The following P4HA1 variants were observed in gnomAD, a reference collection of about 807,000 sequenced individuals.
The protein encoded by P4HA1 is prolyl 4-hydroxylase subunit alpha 1.
In P4HA1, 24 loss-of-function variants were observed where a neutral mutation model predicts 72.8. That is an observed-to-expected ratio of 0.33 (90% CI 0.24 to 0.46). The LOEUF (loss-of-function observed/expected upper bound fraction) is 0.46. P4HA1 is among the 20% of genes least tolerant of loss of function. P4HA1 has a pLI of 1.00. For missense variants in P4HA1, 446 were observed against 640.6 expected (o/e 0.70, Z 3.28); for synonymous variants, 201 against 218.8 (o/e 0.92, Z 0.72).
intron 9 of P4HA1, among the ~76,000 whole-genome samples, chr10:73,039,553 C>T (rs1375176024): frequency 1.3e-5 from 2 of 152,004 alleles, no homozygotes; most frequent in African/African-American, 2.4e-5. Context: ...GGGATCTGCC[C>T]GCCTGGGCCT....
At chr10:73,074,940 G>T in intron 1 of P4HA1, 25 bp from the exon 2 acceptor site, 1 of 760,346 alleles carries the variant, frequency 1.3e-6, no homozygotes. Flanking sequence ...GAGAAATGCA[G>T]CCATTACTTA....
intron 1 of P4HA1, among the ~76,000 whole-genome samples, chr10:73,093,324 A>AT (rs1375085761): frequency 6.6e-6 from 1 of 152,166 alleles, no homozygotes; most frequent in Non-Finnish European, 1.5e-5. Context: ...CAAATGTCAA[A>AT]TCAAATATAC....
At chr10:73,053,682 C>T in intron 5 of P4HA1, 92 bp from the exon 6 acceptor site, 1 of 1,125,582 alleles carries the variant, frequency 8.9e-7, no homozygotes, top group Non-Finnish European at 1.3e-6. Context: ...TGTCTCACTT[C>T]TATTTGAAGT....
At chr10:73,032,943 C>A (rs1302753188) in intron 9 of P4HA1, among the ~76,000 whole-genome samples, 1 of 152,130 alleles carries the variant, frequency 6.6e-6, no homozygotes, top group Non-Finnish European at 1.5e-5. Flanking sequence ...TTGGTGATAT[C>A]TTGCAAATTT....
intron 9 of P4HA1, among the ~76,000 whole-genome samples, chr10:73,031,831 A>G (rs912799148): frequency 5.3e-5 from 8 of 152,184 alleles, no homozygotes; most frequent in African/African-American, 1.7e-4. Flanking sequence ...AAATTCAGCT[A>G]TATCCCTTTT....
At position 73,040,841 on chromosome 10, in the gene P4HA1, AC is replaced by A. The variant is rs1489017609; in HGVS notation, c.1148+4139del. On this transcript the variant is annotated intron_variant, in intron 9 of 14. Transcript: ENST00000394890. ...GATTTAGCTATTTACAAACTTTATG[AC>A]AAAAAATGTGTAAAACCATGCAATA... Among the ~76,000 whole-genome samples, 7 of 152,286 alleles carry A rather than the reference AC, an allele frequency of 4.6e-5. No individual in the cohort carries two copies. The South Asian group carries it at 1.0e-3, about 23-fold the overall frequency.
intron 1 of P4HA1, among the ~76,000 whole-genome samples, chr10:73,077,050 ACACTGCTCTTTTGGCTAC>A (rs1391112989): frequency 1.3e-5 from 2 of 152,246 alleles, no homozygotes; most frequent in African/African-American, 4.8e-5. Flanking sequence ...GTAAGGAAAT[ACACTGCTCTTTTGGCTAC>A]CTTACAGTGA....
chr10:73,050,457 T>A (rs561243025), intron 7 of P4HA1, among the ~76,000 whole-genome samples: 7 of 152,002 alleles, frequency 4.6e-5, no homozygotes, highest in African/African-American at 1.4e-4. Flanking sequence ...ATCCCACCAC[T>A]TTGGGAGACC....
rs1716857027 is a variant in P4HA1 at position 73,083,005 on chromosome 10, C to A, written c.-32-8090G>T. On this transcript the variant is annotated intron_variant, in intron 1 of 14. Transcript: ENST00000394890. ...ATGCCTCCTGTTCTAAATATTCAAACAAGCTTGAAAAAGAAATTAATGGGT... is the reference window on the plus strand; with the variant it reads ...ATGCCTCCTGTTCTAAATATTCAAAAAAGCTTGAAAAAGAAATTAATGGGT... Among the ~76,000 whole-genome samples the A allele has an allele frequency of 3.0e-5, 4 of 133,460 alleles. 2 individuals carry two copies. Among genetic ancestry groups the A allele is most frequent in the Non-Finnish European group, 6.0e-5 (4 of 66,800 alleles). The allele number at this position is 133,460 out of a possible 152,430, so 87.6% of individuals were successfully genotyped here. A position where few individuals can be genotyped will look rare whatever the true frequency, so the allele number is the denominator to read the frequency against.
rs1320535490 is a variant in P4HA1 at position 73,008,125 on chromosome 10, TGTTA to T, written c.*93_*96del. On this transcript the variant is annotated 3_prime_UTR_variant, in exon 15 of 15. Coordinates refer to ENST00000394890, the MANE Select transcript of P4HA1 (RefSeq NM_001017962.3). ...GTTCATGACTGAATCAATCATGGAG[TGTTA>T]GTCAATTGTAAACTCCTGAAAGTTA... The T allele has an allele frequency of 1.3e-5, 9 of 702,582 alleles. No individual in the cohort carries two copies. The highest frequency in any genetic ancestry group is 2.3e-5 in the Non-Finnish European group (9 of 388,042). 43.5% of individuals were successfully genotyped at this position (702,582 alleles called of 1,614,324 possible).
At chr10:73,091,974 A>G (rs1842040418) in intron 1 of P4HA1, among the ~76,000 whole-genome samples, 2 of 152,204 alleles carry the variant, frequency 1.3e-5, no homozygotes, top group South Asian at 4.1e-4. Flanking sequence ...AGGCCCAGGT[A>G]TACTCAGCTT....
chr10:73,008,280 C>T lies in P4HA1; in HGVS notation c.1547G>A (p.Trp516Ter). 6.3e-7 allele frequency: 1 copy of T among 1,589,928 alleles called. No individual in the cohort carries two copies. The highest frequency in any genetic ancestry group is 8.6e-7 in the Non-Finnish European group (1 of 1,158,438). Residue 516 changes from tryptophan to a stop codon, truncating the protein, a stop_gained, in exon 15 of 15, where the codon TGG becomes TAG. Coordinates refer to ENST00000394890, the MANE Select transcript of P4HA1 (RefSeq NM_001017962.3). LOFTEE classifies it high-confidence loss of function. ...LVGNKWVSNK[W>*]LHERGQEFRR... ...AAATTCTTGTCCACGTTCATGGAGC[C>T]ATTTATTGGATACTGTGAGAGAAAA...
At position 73,054,195 on chromosome 10, in the gene P4HA1, C is replaced by T. The variant is rs1428600596; in HGVS notation, c.464-605G>A. ...TGCTGGGATTACAGGCATAAGCCAC[C>T]GCGCCCGGCCACCATATGAGATATA... On this transcript the variant is annotated intron_variant, in intron 5 of 14. Transcript: ENST00000394890. Among the ~76,000 whole-genome samples the T allele has an allele frequency of 2.6e-5, 4 of 152,246 alleles. No individual in the cohort carries two copies. In the East Asian group the frequency reaches 5.8e-4, roughly 22 times the overall value.
chr10:73,057,262 AG>A (rs1214341440), intron 5 of P4HA1, among the ~76,000 whole-genome samples: 12 of 152,132 alleles, frequency 7.9e-5, no homozygotes, highest in African/African-American at 2.6e-4. Context: ...AGGCCGAAGC[AG>A]GCAGATCATG....
chr10:73,016,935 T>C (rs1840018038), intron 10 of P4HA1, 36 bp from the exon 11 acceptor site: 1 of 1,544,778 alleles, frequency 6.5e-7, no homozygotes, highest in Non-Finnish European at 8.9e-7. Flanking sequence ...AGAAAAGAAC[T>C]ATAAAGATTA....
At chr10:73,028,339 CACACACAA>C (rs1840343693) in intron 10 of P4HA1, among the ~76,000 whole-genome samples, 1 of 147,208 alleles carries the variant, frequency 6.8e-6, no homozygotes, top group South Asian at 2.1e-4. Flanking sequence ...CACACACACA[CACACACAA>C]AATACATTTT....
chr10:73,094,774 T>G (rs1041056743), intron 1 of P4HA1, among the ~76,000 whole-genome samples: 1 of 152,216 alleles, frequency 6.6e-6, no homozygotes. Context: ...AAGCCAAGAT[T>G]CATCTGCAAC....
chr10:73,040,190 T>A (rs1564625793), intron 9 of P4HA1, among the ~76,000 whole-genome samples: 1 of 152,126 alleles, frequency 6.6e-6, no homozygotes, highest in Non-Finnish European at 1.5e-5. Flanking sequence ...AGTAGCTAAA[T>A]ACCTTCTGCT....
chr10:73,060,605 C>T (rs1841291303), intron 5 of P4HA1, among the ~76,000 whole-genome samples: 1 of 151,996 alleles, frequency 6.6e-6, no homozygotes, highest in South Asian at 2.1e-4. Context: ...AAAAGAAGGG[C>T]CAAGGCTCAT....
Sources: allele counts gnomAD v4.1 joint callset (sites outside exome capture counted in the v4.1 genomes callset), GRCh38; gene constraint gnomAD v4.1.1; transcripts MANE v1.5; gene names NCBI Gene and HGNC (gene_info 2026-07-23, HGNC 2026-07-21).